Variants in MIEF1 observed in about 807,000 individuals in gnomAD.
The protein encoded by MIEF1 is mitochondrial elongation factor 1.
Under a neutral mutation model 35.1 loss-of-function variants are expected in MIEF1, and 14 were observed. The observed-to-expected ratio is 0.40, with a 90% CI of 0.26 to 0.62. The LOEUF is 0.62. Among genes scored for constraint, MIEF1 ranks in the 20% least tolerant of loss-of-function variants. The probability of loss-of-function intolerance (pLI) is 0.43; values close to 1 mark genes in which losing one functional copy is unlikely to be tolerated. For synonymous variants in MIEF1, 245 were observed against 254.3 expected (o/e 0.96, Z 0.35); for missense variants, 542 against 615.4 (o/e 0.88, Z 1.26).
rs1368431950 is a variant in MIEF1, at chr22:39,514,503, C to T, written c.*180C>T. Reference sequence around the variant, plus strand: ...TTTCGTCTCCTATTTTGTTACCCAACTCTTCCTATTTTTGTTACCAATCAC... The same window carrying T: ...TTTCGTCTCCTATTTTGTTACCCAATTCTTCCTATTTTTGTTACCAATCAC... On this transcript the variant is annotated 3_prime_UTR_variant, in exon 6 of 6. Coordinates refer to ENST00000325301, the MANE Select transcript of MIEF1 (RefSeq NM_019008.6). 2 of 643,766 alleles carry T rather than the reference C, an allele frequency of 3.1e-6. No individual in the cohort carries two copies. Among genetic ancestry groups the T allele is most frequent in the Admixed American group, 5.9e-5 (2 of 33,802 alleles). The allele number at this position is 643,766 out of a possible 1,614,324, so 39.9% of individuals were successfully genotyped here.
Position 39,517,677 on chromosome 22 carries a change from G to A in MIEF1, c.*3354G>A, listed in dbSNP as rs1930748102. 6 of 468,158 alleles carry A rather than the reference G, an allele frequency of 1.3e-5. No individual in the cohort carries two copies. The allele number at this position is 468,158 out of a possible 1,614,324, so 29.0% of individuals were successfully genotyped here. On this transcript the variant is annotated 3_prime_UTR_variant, in exon 6 of 6. Transcript: ENST00000325301. ...GGATTTGTTAGAACTCTGCCCTTTT[G>A]TCTGAAACTCAAGGCCAAGGAGAAT...
In MIEF1 at chr22:39,515,631, G is replaced by T; in HGVS notation, c.*1308G>T. The stretch of plus-strand genomic sequence containing the variant: ...ACATTCCTCCTTGTTTGCCGCTGCT[G>T]AGATTGCAGTATTTATTGCAATGTA... On this transcript the variant is annotated 3_prime_UTR_variant, in exon 6 of 6. Transcript: ENST00000325301. 2.1e-6 allele frequency: 1 copy of T among 475,968 alleles called. No individual in the cohort carries two copies. Among genetic ancestry groups the T allele is most frequent in the East Asian group, 3.4e-5 (1 of 29,344 alleles). The allele number at this position is 475,968 out of a possible 1,614,324, so 29.5% of individuals were successfully genotyped here. A position where few individuals can be genotyped will look rare whatever the true frequency, so the allele number is the denominator to read the frequency against.
At chr22:39,510,374 C>T (rs1930269761) in intron 2 of MIEF1, among the ~76,000 whole-genome samples, 1 of 152,098 alleles carries the variant, frequency 6.6e-6, no homozygotes, top group Non-Finnish European at 1.5e-5. Context: ...CTCAAGCATT[C>T]CTCCTGCCTC....
At position 39,511,936 on chromosome 22, in the gene MIEF1, G is replaced by C. The variant is rs2272830; in HGVS notation, c.232G>C (p.Gly78Arg). The change falls in exon 4 of 6, where the codon GGC (glycine) becomes CGC (arginine). Residue 78 changes from glycine (G) to arginine (R), a missense_variant. Gly to Arg is a moderately radical substitution (Grantham distance 125). Coordinates refer to ENST00000325301, the MANE Select transcript of MIEF1 (RefSeq NM_019008.6). The stretch of plus-strand genomic sequence containing the variant: ...GAGCTGGGAAGAACCCAACTGGATG[G>C]GCTCCCCACGACTGCTGAACAGGGA... ...KRSWEEPNWM[G>R]SPRLLNRDMK... 2,756 of 1,614,198 alleles carry C rather than the reference G, an allele frequency of 1.7e-3. 75 individuals carry two copies. In the East Asian group the frequency reaches 0.053, roughly 31 times the overall value.
intron 5 of MIEF1, 126 bp downstream of exon 5, chr22:39,512,620 T>G (rs1930413514): frequency 4.9e-6 from 6 of 1,235,664 alleles, no homozygotes; most frequent in Non-Finnish European, 5.5e-6. Context: ...CCTGTGTACC[T>G]CAGCAGCATT....
At chr22:39,512,534 T>C (rs1444706434) in intron 5 of MIEF1, 40 bp downstream of exon 5, 1 of 1,578,134 alleles carries the variant, frequency 6.3e-7, no homozygotes, top group South Asian at 1.2e-5. Flanking sequence ...GTTTGAGTGC[T>C]GAGCACCATA....
At position 39,514,274 on chromosome 22, in the gene MIEF1, A is replaced by ATTTCTT; in HGVS notation, c.1343_1344insTTTCTT (p.Tyr448_Thr449insPhePhe). On this transcript the variant is annotated inframe_insertion, in exon 6 of 6. Coordinates refer to ENST00000325301, the MANE Select transcript of MIEF1 (RefSeq NM_019008.6). The stretch of plus-strand genomic sequence containing the variant: ...CCTGAAGAAATAGACGAATTAGGAT[A>ATTTCTT]CACTCTGTATTGCTCATTGTCTGAG... 2 of 1,614,162 alleles carry ATTTCTT rather than the reference A, an allele frequency of 1.2e-6. No homozygotes were observed. Among genetic ancestry groups the ATTTCTT allele is most frequent in the Non-Finnish European group, 1.7e-6 (2 of 1,180,042 alleles).
intron 2 of MIEF1, among the ~76,000 whole-genome samples, chr22:39,507,319 C>G (rs977112103): frequency 3.9e-5 from 6 of 151,960 alleles, no homozygotes; most frequent in Non-Finnish European, 8.8e-5. Flanking sequence ...AATCTTGGCT[C>G]ACTGCAACCT....
chr22:39,502,742 T>G (rs1320029674), intron 1 of MIEF1, among the ~76,000 whole-genome samples: 1 of 152,372 alleles, frequency 6.6e-6, no homozygotes, highest in East Asian at 1.9e-4. Context: ...AGCCGCCCAG[T>G]CGCCCAGCGA....
intron 1 of MIEF1, among the ~76,000 whole-genome samples, chr22:39,502,714 G>C (rs910570846): frequency 2.6e-5 from 4 of 152,254 alleles, no homozygotes; most frequent in Non-Finnish European, 5.9e-5. Context: ...TTGGTGAAGT[G>C]CAGACTGGCT....
Position 39,514,247 on chromosome 22 carries a change from C to A in MIEF1, c.1316C>A (p.Thr439Asn). 1.9e-6 allele frequency: 3 copies of A among 1,614,188 alleles called. No individual in the cohort carries two copies. In the African/African-American group the frequency reaches 4.0e-5, roughly 22 times the overall value. Residue 439 changes from threonine to asparagine, a missense_variant, in exon 6 of 6, where the codon ACC becomes AAC. Thr to Asn is a moderately conservative substitution (Grantham distance 65). Transcript: ENST00000325301. ...NPKVNLFAEL[T>N]PEEIDELGYT... ...AAGGTGAACTTATTTGCAGAGCTCA[C>A]CCCTGAAGAAATAGACGAATTAGGA...
intron 5 of MIEF1, among the ~76,000 whole-genome samples, chr22:39,513,183 C>T (rs907330700): frequency 6.6e-6 from 1 of 151,820 alleles, no homozygotes; most frequent in Admixed American, 6.6e-5. Context: ...TCACTGCAAC[C>T]TCCGCCTCCT....
intron 1 of MIEF1, chr22:39,502,987 C>G (rs1929825862): frequency 1.3e-5 from 2 of 152,192 alleles, no homozygotes; most frequent in African/African-American, 2.4e-5. Flanking sequence ...ATACTTCCCC[C>G]ACTTGGTGTC....
chr22:39,501,479 G>A (rs1020394482), upstream of MIEF1, among the ~76,000 whole-genome samples: 2 of 152,208 alleles, frequency 1.3e-5, no homozygotes, highest in South Asian at 2.1e-4. Context: ...GCCAGCGGTG[G>A]CCCCGGTGGC....
chr22:39,511,956 C>G lies in MIEF1; in HGVS notation c.252C>G (p.Asn84Lys), dbSNP rs1424263795. ...PNWMGSPRLL[N>K]RDMKTGLSRS... is the part of the protein sequence containing the mutation. ...GGATGGGCTCCCCACGACTGCTGAA[C>G]AGGGACATGAAGACGGGCCTGAGCC... is the stretch of plus-strand genomic sequence containing the variant. Residue 84 changes from asparagine to lysine, a missense_variant, in exon 4 of 6, where the codon AAC becomes AAG. By Grantham distance (94) the Asn-to-Lys change is moderately conservative. Coordinates refer to ENST00000325301, the MANE Select transcript of MIEF1 (RefSeq NM_019008.6). 2.5e-6 allele frequency: 4 copies of G among 1,614,220 alleles called. No homozygotes were observed. In the Admixed American group the frequency reaches 5.0e-5, roughly 20 times the overall value.
intron 3 of MIEF1, 50 bp from the exon 4 acceptor site, chr22:39,511,799 A>C (rs978355150): frequency 3.2e-6 from 5 of 1,552,004 alleles, no homozygotes; most frequent in Non-Finnish European, 4.4e-6. Context: ...ATTGGAAGGA[A>C]ATAGGGAAAG....
chr22:39,500,968 A>C (rs1019767705), upstream of MIEF1, among the ~76,000 whole-genome samples: 1 of 152,092 alleles, frequency 6.6e-6, no homozygotes, highest in African/African-American at 2.4e-5. Context: ...AAGTGCTGGG[A>C]TTACAGACGT....
At chr22:39,508,601 A>C (rs796812733) in intron 2 of MIEF1, among the ~76,000 whole-genome samples, 8 of 152,324 alleles carry the variant, frequency 5.3e-5, no homozygotes, top group Admixed American at 2.0e-4. Context: ...CTCAGTGGCC[A>C]CTGGAGAGAG....
At position 39,514,207 on chromosome 22, in the gene MIEF1, A is replaced by G. The variant is rs1290196717; in HGVS notation, c.1276A>G (p.Ser426Gly). The G allele has an allele frequency of 1.2e-6, 2 of 1,614,238 alleles. No individual in the cohort carries two copies. Among genetic ancestry groups the G allele is most frequent in the Admixed American group, 1.7e-5 (1 of 60,026 alleles). ...CTACTTAGAGGCTGGAGTCCTGCCC[A>G]GTGCCCTAAACCCCAAGGTGAACTT... ...ISYLEAGVLP[S>G]ALNPKVNLFA... Residue 426 changes from serine to glycine, a missense_variant, in exon 6 of 6, where the codon AGT (serine) becomes GGT (glycine). Ser to Gly is a moderately conservative substitution (Grantham distance 56, BLOSUM62 0). Transcript: ENST00000325301.
Sources: allele counts gnomAD v4.1 joint callset (sites outside exome capture counted in the v4.1 genomes callset), GRCh38; gene constraint gnomAD v4.1.1; transcripts MANE v1.5; gene names NCBI Gene and HGNC (gene_info 2026-07-23, HGNC 2026-07-21).